Variants in UBAP2L observed in about 807,000 individuals in gnomAD.
UBAP2L encodes the protein ubiquitin-associated protein 2-like.
UBAP2L carries 12 observed loss-of-function variants against 130.6 expected under a neutral mutation model. The observed-to-expected ratio is 0.09, with a 90% CI of 0.06 to 0.15. The LOEUF is 0.15. UBAP2L is among the 10% of genes least tolerant of loss of function. The pLI, the probability that UBAP2L is intolerant of heterozygous loss-of-function variation, is 1.00. For missense variants in UBAP2L, 965 were observed against 1,332.5 expected (o/e 0.72, Z 4.29); for synonymous variants, 503 against 524.7 (o/e 0.96, Z 0.57).
intron 12 of UBAP2L, 86 bp from the exon 13 acceptor site, chr1:154,250,955 T>C (rs543754723): frequency 2.1e-6 from 3 of 1,415,636 alleles, no homozygotes; most frequent in South Asian, 2.8e-5. Flanking sequence ...TTTACAGTCC[T>C]CATTCATGGT....
rs1403568038 is a variant in UBAP2L at position 154,261,627 on chromosome 1, T to C, written c.2832T>C (p.Asn944=). 1.2e-6 allele frequency: 2 copies of C among 1,614,042 alleles called. No individual in the cohort carries two copies. The highest frequency in any genetic ancestry group is 2.2e-5 in the East Asian group (1 of 44,886). ...APTSSKQHGV[N]VSVNASATPF... The stretch of plus-strand genomic sequence containing the variant: ...CCTCTTCCAAGCAGCATGGTGTGAA[T>C]GTCAGTGTGAATGCATCGGCCACCC... The change falls in exon 24 of 27, where the codon AAT becomes AAC. Residue 944 remains asparagine, a synonymous_variant. Transcript: ENST00000428931.
chr1:154,261,168 C>T, intron 23 of UBAP2L, 59 bp downstream of exon 23: 4 of 1,537,276 alleles, frequency 2.6e-6, no homozygotes, highest in Middle Eastern at 1.7e-4. Context: ...GGACACTATC[C>T]TAGCTGCTTT....
Position 154,236,267 on chromosome 1 carries a change from T to C in UBAP2L, c.545-299T>C, listed in dbSNP as rs1421404833. 4.6e-5 allele frequency among the ~76,000 whole-genome samples: 7 copies of C among 152,118 alleles called. No homozygotes were observed. In the South Asian group the frequency reaches 1.2e-3, roughly 27 times the overall value. On this transcript the variant is annotated intron_variant, in intron 6 of 26. Transcript: ENST00000428931. ...AGGCTGGAGTGCAGTAGTGCGGTCT[T>C]AGCTCACTGTAGCCTCTGCCTCCTG...
intron 4 of UBAP2L, 86 bp from the exon 5 acceptor site, chr1:154,234,505 A>T: frequency 7.0e-7 from 1 of 1,437,670 alleles, no homozygotes; most frequent in Non-Finnish European, 9.7e-7. Context: ...GAGAATGGTT[A>T]AGTCAATCAG....
At chr1:154,228,773 G>A in intron 4 of UBAP2L, 48 bp downstream of exon 4, 1 of 1,424,356 alleles carries the variant, frequency 7.0e-7, no homozygotes, top group Middle Eastern at 1.8e-4. Context: ...CAATTGGGAG[G>A]CTAGTAATGT....
intron 18 of UBAP2L, among the ~76,000 whole-genome samples, chr1:154,256,747 A>G (rs576495118): frequency 6.6e-6 from 1 of 152,160 alleles, no homozygotes; most frequent in East Asian, 1.9e-4. Flanking sequence ...TTACATCTCA[A>G]CTCTCTCTGT....
chr1:154,235,241 C>G lies in UBAP2L; in HGVS notation c.494C>G (p.Pro165Arg), dbSNP rs557688567. ...NGLDGTKSGG[P>R]SGRGTERGRR... Reference sequence around the variant, plus strand: ...TTGGATGGCACCAAGAGTGGAGGGCCTTCTGGAAGAGGAACAGAAAGAGGC... The same window carrying G: ...TTGGATGGCACCAAGAGTGGAGGGCGTTCTGGAAGAGGAACAGAAAGAGGC... The change falls in exon 6 of 27, where the codon CCT becomes CGT. Residue 165 changes from proline to arginine, a missense_variant. Physicochemically the swap from Pro to Arg is moderately radical, Grantham distance 103 (BLOSUM62 -2). Transcript: ENST00000428931. 1.3e-6 allele frequency: 1 copy of G among 779,160 alleles called. No individual in the cohort carries two copies. Among genetic ancestry groups the G allele is most frequent in the Admixed American group, 1.7e-5 (1 of 58,458 alleles). The allele number at this position is 779,160 out of a possible 1,614,324, so 48.3% of individuals were successfully genotyped here. A position where few individuals can be genotyped will look rare whatever the true frequency, so the allele number is the denominator to read the frequency against.
intron 20 of UBAP2L, among the ~76,000 whole-genome samples, chr1:154,258,291 C>CT (rs540025832): frequency 1.3e-5 from 2 of 152,200 alleles, no homozygotes; most frequent in Non-Finnish European, 2.9e-5. Context: ...ATTATTTTCT[C>CT]TGATTTGATT....
At chr1:154,269,573 C>T in intron 26 of UBAP2L, 1 of 420,122 alleles carries the variant, frequency 2.4e-6, no homozygotes, top group South Asian at 1.9e-5. Flanking sequence ...CTCTCTCCTC[C>T]TCCCCTCCCC....
intron 24 of UBAP2L, chr1:154,263,254 G>GC (rs1178987216): frequency 7.9e-6 from 12 of 1,526,464 alleles, no homozygotes; most frequent in Non-Finnish European, 1.1e-5. Context: ...CTGAGCTGAG[G>GC]CCATGGCCTG....
intron 9 of UBAP2L, among the ~76,000 whole-genome samples, chr1:154,242,669 T>C (rs1673958966): frequency 6.6e-6 from 1 of 152,226 alleles, no homozygotes; most frequent in South Asian, 2.1e-4. Flanking sequence ...GTGGAAGGAC[T>C]AGATGTCACA....
At chr1:154,259,565 A>G (rs1680836272) in intron 21 of UBAP2L, among the ~76,000 whole-genome samples, 1 of 152,054 alleles carries the variant, frequency 6.6e-6, no homozygotes, top group Non-Finnish European at 1.5e-5. Flanking sequence ...ATAGCCCAGT[A>G]AAGTACTCTG....
intron 16 of UBAP2L, 107 bp from the exon 17 acceptor site, chr1:154,255,045 T>A: frequency 7.0e-7 from 1 of 1,432,034 alleles, no homozygotes; most frequent in Non-Finnish European, 9.5e-7. Flanking sequence ...AGTCCATTGT[T>A]AAATAACTCA....
intron 10 of UBAP2L, among the ~76,000 whole-genome samples, chr1:154,243,562 G>A (rs1318711892): frequency 1.3e-5 from 2 of 152,084 alleles, no homozygotes; most frequent in South Asian, 2.1e-4. Context: ...CTGGGCTCAA[G>A]CAATTCTCCT....
At chr1:154,261,209 G>A in intron 23 of UBAP2L, 100 bp downstream of exon 23, 1 of 1,339,008 alleles carries the variant, frequency 7.5e-7, no homozygotes, top group Non-Finnish European at 1.0e-6. Context: ...AATGGATGAG[G>A]AGGAACAGTT....
intron 25 of UBAP2L, 102 bp downstream of exon 25, chr1:154,266,670 G>A (rs553317688): frequency 3.2e-6 from 4 of 1,250,104 alleles, no homozygotes; most frequent in Non-Finnish European, 4.7e-6. Context: ...CCTAGGAGAG[G>A]TGGCAGGAAA....
In UBAP2L at chr1:154,270,767, T is replaced by TTTG; in HGVS notation, c.*475_*477dup. 9.5e-7 allele frequency: 1 copy of TTTG among 1,051,592 alleles called. No individual in the cohort carries two copies. Among genetic ancestry groups the TTTG allele is most frequent in the Non-Finnish European group, 1.2e-6 (1 of 828,344 alleles). 65.1% of individuals were successfully genotyped at this position (1,051,592 alleles called of 1,614,324 possible). On this transcript the variant is annotated 3_prime_UTR_variant, in exon 27 of 27. Coordinates refer to ENST00000428931, the MANE Select transcript of UBAP2L (RefSeq NM_014847.4). ...ATGAATTAGTTGAAGTGGTTTTTTTTTTGTTTTTTTTTTTTTTTTGTACTG... is the reference window on the plus strand; with the variant it reads ...ATGAATTAGTTGAAGTGGTTTTTTTTTTGTTGTTTTTTTTTTTTTTTTGTACTG...
rs572337560 is a variant in UBAP2L at position 154,225,072 on chromosome 1, T to C, written c.-40-12T>C. The C allele has an allele frequency of 1.3e-6, 2 of 1,595,412 alleles. No homozygotes were observed. The highest frequency in any genetic ancestry group is 2.2e-5 in the South Asian group (2 of 90,320). Reference sequence around the variant, plus strand: ...CCACATTTAATACCTAATTTTCTTTTAAATCTTTCAGTATTCTACCTTGTA... The same window carrying C: ...CCACATTTAATACCTAATTTTCTTTCAAATCTTTCAGTATTCTACCTTGTA... On this transcript the variant is annotated splice_polypyrimidine_tract_variant and intron_variant, in intron 1 of 26. Transcript: ENST00000428931.
chr1:154,266,887 A>G (rs992915978), intron 25 of UBAP2L, among the ~76,000 whole-genome samples: 2 of 152,110 alleles, frequency 1.3e-5, no homozygotes, highest in African/African-American at 4.8e-5. Context: ...TTTTCAAGAG[A>G]ATAAGTATGA....
Sources: gnomAD v4.1 joint callset for allele counts (sites outside exome capture counted in the v4.1 genomes callset) on GRCh38, gnomAD v4.1.1 for gene constraint, MANE v1.5 for transcripts, NCBI Gene and HGNC (gene_info 2026-07-23, HGNC 2026-07-21) for gene names.